The following SOX13 variants were observed in gnomAD, a reference collection of about 807,000 sequenced individuals.
SOX13 encodes SRY-box transcription factor 13.
A neutral mutation model predicts 71.8 loss-of-function variants in SOX13; 28 were observed. The ratio of observed to expected loss-of-function variants is 0.39; its 90% CI spans 0.29 to 0.53. The LOEUF (loss-of-function observed/expected upper bound fraction) is 0.53. Among genes scored for constraint, SOX13 ranks in the 20% least tolerant of loss-of-function variants. The probability of loss-of-function intolerance (pLI) is 0.70; values close to 1 mark genes in which losing one functional copy is unlikely to be tolerated. For synonymous variants in SOX13, 309 were observed against 317.8 expected (o/e 0.97, Z 0.29); for missense variants, 627 against 810.3 (o/e 0.77, Z 2.75).
At chr1:204,115,657 C>T (rs1177354101) in intron 4 of SOX13, among the ~76,000 whole-genome samples, 9 of 57,416 alleles carry the variant, frequency 1.6e-4, no homozygotes, top group African/African-American at 4.4e-4. Context: ...GCTTCTTCTT[C>T]TTTTTTTTTT....
intron 1 of SOX13, among the ~76,000 whole-genome samples, chr1:204,111,447 G>A (rs985150682): frequency 2.0e-5 from 3 of 152,100 alleles, no homozygotes; most frequent in African/African-American, 7.2e-5. Flanking sequence ...CTGCTGCTCC[G>A]CCCAAGCCTG....
intron 1 of SOX13, among the ~76,000 whole-genome samples, chr1:204,108,654 G>A (rs1656516727): frequency 6.6e-6 from 1 of 152,254 alleles, no homozygotes; most frequent in African/African-American, 2.4e-5. Flanking sequence ...TCCGGAGTGA[G>A]GAGGGACCCG....
At position 204,123,252 on chromosome 1, in the gene SOX13, CTG is replaced by C; in HGVS notation, c.1231+46_1231+47del. On this transcript the variant is annotated intron_variant, in intron 11 of 13. Transcript: ENST00000367204. The surrounding 1 kb of genome is among the most constrained non-coding windows in gnomAD (Gnocchi z 5.0). ...GGCTGATGCGCAGGAGGGCCCAACT[CTG>C]TATTCCACCAGGGCCAGGGCTGTGT... 2 of 1,469,906 alleles carry C rather than the reference CTG, an allele frequency of 1.4e-6. No homozygotes were observed. The highest frequency in any genetic ancestry group is 1.1e-5 in the South Asian group (1 of 88,220). The allele number at this position is 1,469,906 out of a possible 1,614,324, so 91.1% of individuals were successfully genotyped here.
chr1:204,075,370 C>T (rs765587871), intron 1 of SOX13, among the ~76,000 whole-genome samples: 1 of 152,386 alleles, frequency 6.6e-6, no homozygotes, highest in Non-Finnish European at 1.5e-5. Context: ...ATCTGCGCCT[C>T]GGCGCAGTTG....
In SOX13 at chr1:204,094,672, G is replaced by A. The variant is rs6662933; in HGVS notation, c.-1-18243G>A. ...AAAATCCCCAAGGCTCCCTTGGGGC[G>A]GGCTGCCATCAGCTCTTCCTGCACT... On this transcript the variant is annotated intron_variant, in intron 1 of 13. Coordinates refer to ENST00000367204, the MANE Select transcript of SOX13 (RefSeq NM_005686.3). 2.0e-5 allele frequency among the ~76,000 whole-genome samples: 3 copies of A among 152,130 alleles called. No individual in the cohort carries two copies. The East Asian group carries it at 5.8e-4, about 29-fold the overall frequency.
intron 4 of SOX13, among the ~76,000 whole-genome samples, chr1:204,115,492 T>TTAAAAA (rs1491309003): frequency 2.0e-5 from 1 of 49,928 alleles, no homozygotes; most frequent in African/African-American, 7.2e-5. Flanking sequence ...TTTTTTTTTT[T>TTAAAAA]AAAAAAAAAA....
chr1:204,080,225 C>T (rs897079379), intron 1 of SOX13, among the ~76,000 whole-genome samples: 1 of 152,196 alleles, frequency 6.6e-6, no homozygotes, highest in Non-Finnish European at 1.5e-5. Context: ...CTCCCCCCAG[C>T]GGTGGCCTTA....
chr1:204,116,092 T>A, intron 4 of SOX13: 2 of 1,048,748 alleles, frequency 1.9e-6, no homozygotes, highest in Non-Finnish European at 2.5e-6. Context: ...ACAGACAGGA[T>A]GGGTTGAAAT....
chr1:204,122,899 C>T lies in SOX13; in HGVS notation c.1070C>T (p.Ala357Val), dbSNP rs773278589. The change falls in exon 10 of 14, where the codon GCT becomes GTT. Residue 357 changes from alanine to valine, a missense_variant. Physicochemically the swap from Ala to Val is moderately conservative, Grantham distance 64. Transcript: ENST00000367204. ...GCTGTCACCAAAGCCATCCAGGATG[C>T]TCGGCAGCTGCTGCACAGCCACAGT... ...GDAVTKAIQDARQLLHSHSGA... is the reference protein window; with the variant it reads ...GDAVTKAIQDVRQLLHSHSGA... The T allele has an allele frequency of 3.2e-6, 5 of 1,582,714 alleles. No individual in the cohort carries two copies. The highest frequency in any genetic ancestry group is 3.6e-5 in the Admixed American group (2 of 55,862).
At chr1:204,102,065 T>C (rs556104718) in intron 1 of SOX13, among the ~76,000 whole-genome samples, 1 of 152,226 alleles carries the variant, frequency 6.6e-6, no homozygotes, top group East Asian at 1.9e-4. Flanking sequence ...GGATGCTGGG[T>C]TTGAACCAAT....
intron 1 of SOX13, among the ~76,000 whole-genome samples, chr1:204,110,900 T>C (rs1233893259): frequency 5.6e-5 from 8 of 141,780 alleles, no homozygotes; most frequent in Admixed American, 5.6e-4. Flanking sequence ...CTAATCCCCA[T>C]GCAAAAAAAA....
Position 204,122,905 on chromosome 1 carries a change from A to G in SOX13, c.1076A>G (p.Gln359Arg). 1.3e-6 allele frequency: 2 copies of G among 1,586,300 alleles called. No individual in the cohort carries two copies. The highest frequency in any genetic ancestry group is 1.2e-5 in the South Asian group (1 of 86,894). Residue 359 changes from glutamine to arginine, a missense_variant, in exon 10 of 14, where the codon CAG (glutamine) becomes CGG (arginine). Physicochemically the swap from Gln to Arg is conservative, Grantham distance 43. Transcript: ENST00000367204. Reference protein sequence around the residue: ...AVTKAIQDARQLLHSHSGALD... With the variant: ...AVTKAIQDARRLLHSHSGALD... The stretch of plus-strand genomic sequence containing the variant: ...ACCAAAGCCATCCAGGATGCTCGGC[A>G]GCTGCTGCACAGCCACAGTGGGGCC...
At chr1:204,091,164 C>T (rs1656135419) in intron 1 of SOX13, among the ~76,000 whole-genome samples, 1 of 152,172 alleles carries the variant, frequency 6.6e-6, no homozygotes, top group South Asian at 2.1e-4. Context: ...ATTGAACTGC[C>T]TGGTAACTGA....
At chr1:204,106,917 GTGT>G (rs1314073264) in intron 1 of SOX13, among the ~76,000 whole-genome samples, 2 of 152,248 alleles carry the variant, frequency 1.3e-5, no homozygotes, top group Non-Finnish European at 2.9e-5. Flanking sequence ...ATAGGGTCTG[GTGT>G]TGTTAACAGG....
In SOX13 at chr1:204,124,646, C is replaced by T. The variant is rs761632249; in HGVS notation, c.1381C>T (p.Arg461Cys). 8.7e-6 allele frequency: 14 copies of T among 1,609,516 alleles called. No homozygotes were observed. In the East Asian group the frequency reaches 1.1e-4, roughly 13 times the overall value. Reference sequence around the variant, plus strand: ...CCCCTGGGGGGTTGGGTCAGGATCTCGCTGGAAGTCCATGACCAACCAGGA... The same window carrying T: ...CCCCTGGGGGGTTGGGTCAGGATCTTGCTGGAAGTCCATGACCAACCAGGA... ...NSSISKILGS[R>C]WKSMTNQEKQ... Residue 461 changes from arginine (R) to cysteine (C), a missense_variant, in exon 13 of 14, where the codon CGC (arginine) becomes TGC (cysteine). Around this residue, in one of 3 missense-constraint regions of SOX13, gnomAD observed 32 missense variants for 85.4 expected, o/e 0.37. Coordinates refer to ENST00000367204, the MANE Select transcript of SOX13 (RefSeq NM_005686.3).
At chr1:204,082,954 C>T (rs1655939450) in intron 1 of SOX13, among the ~76,000 whole-genome samples, 1 of 152,172 alleles carries the variant, frequency 6.6e-6, no homozygotes, top group Admixed American at 6.5e-5. Flanking sequence ...TACACGATAG[C>T]CTGTTGGAAC....
chr1:204,084,785 C>T (rs183730341), intron 1 of SOX13, among the ~76,000 whole-genome samples: 123 of 43,092 alleles, frequency 2.9e-3, no homozygotes, highest in African/African-American at 0.021. Flanking sequence ...CCCCTTGCCT[C>T]TCAGGGTTTG....
At chr1:204,106,202 G>A (rs1656467127) in intron 1 of SOX13, among the ~76,000 whole-genome samples, 1 of 152,212 alleles carries the variant, frequency 6.6e-6, no homozygotes. Context: ...AAAAGGAAAT[G>A]GAATCGCTTT....
rs1656905812 is a variant in SOX13 at position 204,125,749 on chromosome 1, C to T, written c.1593-109C>T. 2.1e-5 allele frequency: 26 copies of T among 1,240,572 alleles called. No homozygotes were observed. The South Asian group carries it at 3.5e-4, about 17-fold the overall frequency. 76.8% of individuals were successfully genotyped at this position (1,240,572 alleles called of 1,614,324 possible). A position where few individuals can be genotyped will look rare whatever the true frequency, so the allele number is the denominator to read the frequency against. On this transcript the variant is annotated intron_variant, in intron 13 of 13. Coordinates refer to ENST00000367204, the MANE Select transcript of SOX13 (RefSeq NM_005686.3). ...GGGGGCAGGGTATATAAGTCACAGC[C>T]AAGAGTGTGTGGAGTGGGAGTGCAT...
Sources: allele counts gnomAD v4.1 joint callset (sites outside exome capture counted in the v4.1 genomes callset), GRCh38; gene constraint gnomAD v4.1.1; regional missense constraint gnomAD v4.1.1; non-coding constraint Gnocchi (gnomAD v3.1); transcripts MANE v1.5; gene names NCBI Gene and HGNC (gene_info 2026-07-23, HGNC 2026-07-21).